PRKN: variants seen among roughly 807,000 people sequenced by gnomAD.
PRKN encodes parkin RBR E3 ubiquitin protein ligase.
In PRKN, 56 loss-of-function variants were observed where a neutral mutation model predicts 59.5. The ratio of observed to expected loss-of-function variants is 0.94; its 90% CI spans 0.76 to 1.18. The LOEUF (loss-of-function observed/expected upper bound fraction) is 1.18. Among genes scored for constraint, PRKN ranks in the 50% most tolerant of loss-of-function variants. The pLI, the probability that PRKN is intolerant of heterozygous loss-of-function variation, is 0.00. For synonymous variants in PRKN, 250 were observed against 222.1 expected, an observed-to-expected ratio of 1.13 and a Z score of -1.12; for missense variants, 657 against 596.4, an observed-to-expected ratio of 1.10 and a Z score of -1.06.
At chr6:162,448,009 C>T (rs4709610) in intron 1 of PRKN, among the ~76,000 whole-genome samples, 83,238 of 151,974 alleles carry the variant, frequency 0.55, 23,756 homozygotes, top group East Asian at 0.7. Context: ...TGTGATGCCT[C>T]AGACAGTTTT....
chr6:162,713,153 C>CA (rs1344247783), intron 1 of PRKN, among the ~76,000 whole-genome samples: 1 of 152,072 alleles, frequency 6.6e-6, no homozygotes, highest in Non-Finnish European at 1.5e-5. Flanking sequence ...GTCAAATAAA[C>CA]AAAAAACCTA....
chr6:161,928,097 GT>G (rs1779033373), intron 6 of PRKN, among the ~76,000 whole-genome samples: 1 of 152,180 alleles, frequency 6.6e-6, no homozygotes, highest in Non-Finnish European at 1.5e-5. Flanking sequence ...CTTTATGAAA[GT>G]TGCCTTCTGC....
At chr6:161,777,101 G>T (rs925198082) in intron 7 of PRKN, among the ~76,000 whole-genome samples, 1 of 152,044 alleles carries the variant, frequency 6.6e-6, no homozygotes, top group African/African-American at 2.4e-5. Context: ...GAACTTCTGA[G>T]GTTCCATTCC....
chr6:162,317,994 ACCAACACCACCAT>A (rs1782823223), intron 2 of PRKN, among the ~76,000 whole-genome samples: 1 of 152,004 alleles, frequency 6.6e-6, no homozygotes. Flanking sequence ...TTGTTGTCCA[ACCAACACCACCAT>A]CCAACTCCAG....
chr6:162,717,444 C>T (rs1778772192), intron 1 of PRKN, among the ~76,000 whole-genome samples: 1 of 151,596 alleles, frequency 6.6e-6, no homozygotes, highest in South Asian at 2.1e-4. Context: ...ATTAGCCAGG[C>T]AGGTTGGCAT....
chr6:162,363,147 A>C (rs1230512352), intron 2 of PRKN, among the ~76,000 whole-genome samples: 3 of 151,434 alleles, frequency 2.0e-5, no homozygotes, highest in Admixed American at 2.0e-4. Flanking sequence ...AAAAAAAAAA[A>C]AAAAAAAAAA....
At chr6:162,176,794 C>T (rs73592397) in intron 4 of PRKN, among the ~76,000 whole-genome samples, 2,916 of 152,174 alleles carry the variant, frequency 0.019, 95 homozygotes, top group African/African-American at 0.066. Flanking sequence ...GCCATAAATA[C>T]GGCTTACACT....
intron 2 of PRKN, among the ~76,000 whole-genome samples, chr6:162,401,888 A>T (rs1317756676): frequency 6.6e-6 from 1 of 152,164 alleles, no homozygotes; most frequent in Non-Finnish European, 1.5e-5. Flanking sequence ...AGAAGCAAAC[A>T]GTTATTTTGG....
At chr6:161,721,686 C>T (rs966010636) in intron 7 of PRKN, among the ~76,000 whole-genome samples, 2 of 152,176 alleles carry the variant, frequency 1.3e-5, no homozygotes, top group South Asian at 2.1e-4. Context: ...GCTGGGGCTG[C>T]GTGGATGGCC....
rs1216999860 is a variant in PRKN, at chr6:161,363,114, C to T, written c.1168-2909G>A. 6.6e-6 allele frequency among the ~76,000 whole-genome samples: 1 copy of T among 152,102 alleles called. No individual in the cohort carries two copies. Among genetic ancestry groups the T allele is most frequent in the African/African-American group, 2.4e-5 (1 of 41,406 alleles). On this transcript the variant is annotated intron_variant, in intron 10 of 11. Transcript: ENST00000366898. This position sits in a 1 kb window ranked among gnomAD's most constrained non-coding sequence, Gnocchi z 4.1. The stretch of plus-strand genomic sequence containing the variant: ...ACGATTAGCCAAGCGTGGTGGTGTG[C>T]ACCTGTAGTCCCAGGTACTTGGGAG...
chr6:162,195,084 C>T (rs1056001790), intron 4 of PRKN, among the ~76,000 whole-genome samples: 2 of 152,166 alleles, frequency 1.3e-5, no homozygotes, highest in Non-Finnish European at 2.9e-5. Flanking sequence ...GCTTATGAAT[C>T]CACACAGAAA....
chr6:161,627,012 T>C (rs541723640), intron 7 of PRKN, among the ~76,000 whole-genome samples: 61 of 152,334 alleles, frequency 4.0e-4, no homozygotes, highest in Middle Eastern at 6.8e-3. Flanking sequence ...TCAGCTGCCT[T>C]CAGCCAAATT....
At chr6:161,966,958 A>G (rs1780604422) in intron 6 of PRKN, among the ~76,000 whole-genome samples, 1 of 152,136 alleles carries the variant, frequency 6.6e-6, no homozygotes, top group African/African-American at 2.4e-5. Context: ...CAGCCTCCCA[A>G]GTAGGTGGGA....
At chr6:162,061,226 T>A (rs138797308) in intron 4 of PRKN, among the ~76,000 whole-genome samples, 6 of 152,302 alleles carry the variant, frequency 3.9e-5, no homozygotes, top group Non-Finnish European at 8.8e-5. Flanking sequence ...TCACAGAGTG[T>A]GCATGAAGAT....
chr6:161,879,737 T>A (rs1159792507), intron 6 of PRKN, among the ~76,000 whole-genome samples: 3 of 152,216 alleles, frequency 2.0e-5, no homozygotes, highest in African/African-American at 7.2e-5. Flanking sequence ...AACTTGATAC[T>A]CTGAAAACAC....
At chr6:161,857,316 G>A (rs1015332980) in intron 6 of PRKN, among the ~76,000 whole-genome samples, 6 of 152,166 alleles carry the variant, frequency 3.9e-5, no homozygotes, top group African/African-American at 1.2e-4. Context: ...CCACTGCGGT[G>A]TGAAAGCAGC....
chr6:161,730,009 C>T (rs141611275), intron 7 of PRKN, among the ~76,000 whole-genome samples: 25 of 151,938 alleles, frequency 1.6e-4, no homozygotes, highest in Non-Finnish European at 1.5e-5. Context: ...ATGTTGCATT[C>T]TTTCTGATGT....
intron 5 of PRKN, among the ~76,000 whole-genome samples, chr6:162,012,699 A>G (rs1782781489): frequency 6.6e-6 from 1 of 152,108 alleles, no homozygotes; most frequent in Non-Finnish European, 1.5e-5. Flanking sequence ...AATTGAACCG[A>G]GGACCACCTG....
chr6:161,464,243 A>G (rs545182447), intron 9 of PRKN, among the ~76,000 whole-genome samples: 56 of 152,206 alleles, frequency 3.7e-4, no homozygotes, highest in Non-Finnish European at 7.1e-4. Flanking sequence ...TATACTCCCG[A>G]CCTCAGGTAA....
Sources: allele counts gnomAD v4.1 joint callset (sites outside exome capture counted in the v4.1 genomes callset), GRCh38; gene constraint gnomAD v4.1.1; non-coding constraint Gnocchi (gnomAD v3.1); transcripts MANE v1.5; gene names NCBI Gene and HGNC (gene_info 2026-07-23, HGNC 2026-07-21).